Variants in PCDH11X observed in about 807,000 individuals in gnomAD.
PCDH11X encodes protocadherin 11 X-linked.
In PCDH11X, 18 loss-of-function variants were observed where a neutral mutation model predicts 53.3. The observed-to-expected ratio is 0.34, with a 90% CI of 0.23 to 0.50. PCDH11X has a LOEUF of 0.50. Among genes scored for constraint, PCDH11X ranks in the 20% least tolerant of loss-of-function variants. The pLI is 0.98. For missense variants in PCDH11X, 570 were observed against 1,032.4 expected (o/e 0.55, Z 6.14); for synonymous variants, 279 against 393.3 (o/e 0.71, Z 3.44).
chrX:92,425,183 G>A (rs1047104930), intron 9 of PCDH11X, among the ~76,000 whole-genome samples: 4 of 111,084 alleles, frequency 3.6e-5, no homozygotes, highest in Non-Finnish European at 7.6e-5. Flanking sequence ...TCTAATGTAT[G>A]TTTTAAGATG....
At chrX:92,514,929 C>T (rs2074233630) in intron 10 of PCDH11X, among the ~76,000 whole-genome samples, 1 of 104,561 alleles carries the variant, frequency 9.6e-6, no homozygotes, top group African/African-American at 3.5e-5. Context: ...TGCCTGTAGT[C>T]CCAGCTACTC....
rs753515893 is a variant in PCDH11X at position 92,119,023 on chromosome X, G to T, written c.3034-82352G>T. On this transcript the variant is annotated intron_variant, in intron 6 of 10. Coordinates refer to ENST00000682573, the MANE Select transcript of PCDH11X (RefSeq NM_032968.5). ...CCCAAAGTGCTGGGATTACAGGCGT[G>T]AGCCACTGCGCCCGGCCAATATAAT... Among the ~76,000 whole-genome samples the T allele has an allele frequency of 4.5e-5, 5 of 110,399 alleles. No individual in the cohort carries two copies. The South Asian group carries it at 1.9e-3, about 42-fold the overall frequency.
chrX:92,206,044 A>G (rs1479173203), intron 7 of PCDH11X, among the ~76,000 whole-genome samples: 4 of 112,142 alleles, frequency 3.6e-5, no homozygotes, highest in Admixed American at 9.5e-5. Context: ...TATTGACACA[A>G]TTATTTCTTA....
intron 6 of PCDH11X, among the ~76,000 whole-genome samples, chrX:92,011,227 T>C (rs2062685835): frequency 8.9e-6 from 1 of 111,961 alleles, no homozygotes; most frequent in African/African-American, 3.2e-5. Flanking sequence ...TTATATTTCT[T>C]TGGGTATATA....
At chrX:92,113,135 A>C in intron 6 of PCDH11X, 1 of 823,412 alleles carries the variant, frequency 1.2e-6, no homozygotes, top group East Asian at 3.4e-5. Context: ...TTCAAAGAAA[A>C]AAAATGACAA....
At position 92,383,394 on chromosome X, in the gene PCDH11X, T is replaced by TATACAC. The variant is rs1234836479; in HGVS notation, c.3145-4338_3145-4333dup. Among the ~76,000 whole-genome samples the TATACAC allele has an allele frequency of 3.7e-5, 4 of 109,309 alleles. No individual in the cohort carries two copies. The East Asian group carries it at 8.6e-4, about 23-fold the overall frequency. 94.9% of individuals were successfully genotyped at this position (109,309 alleles called of 115,157 possible). The stretch of plus-strand genomic sequence containing the variant: ...AGAACGTGCAGGTGTTTTACATAAG[T>TATACAC]ATACACATGCCATGGTGGTTTGCTG... On this transcript the variant is annotated intron_variant, in intron 8 of 10. Coordinates refer to ENST00000682573, the MANE Select transcript of PCDH11X (RefSeq NM_032968.5).
At chrX:92,063,047 G>A (rs1192065144) in intron 6 of PCDH11X, among the ~76,000 whole-genome samples, 1 of 110,541 alleles carries the variant, frequency 9.0e-6, no homozygotes, top group Non-Finnish European at 1.9e-5. Context: ...TTGCAGGGAC[G>A]TGGATGAAGC....
At chrX:91,998,833 C>T (rs1385969911) in intron 6 of PCDH11X, among the ~76,000 whole-genome samples, 1 of 111,359 alleles carries the variant, frequency 9.0e-6, no homozygotes, top group Non-Finnish European at 1.9e-5. Context: ...AGTAAGCATT[C>T]AGTACATATT....
chrX:92,582,129 G>C (rs1343082604), intron 10 of PCDH11X, among the ~76,000 whole-genome samples: 2 of 91,209 alleles, frequency 2.2e-5, no homozygotes, highest in Non-Finnish European at 4.3e-5. Flanking sequence ...TGATAGAAAA[G>C]AAAAATCCAT....
At chrX:92,418,997 T>C (rs1275216745) in intron 9 of PCDH11X, among the ~76,000 whole-genome samples, 1 of 105,241 alleles carries the variant, frequency 9.5e-6, no homozygotes, top group Non-Finnish European at 1.9e-5. Flanking sequence ...TGTAGAAGTG[T>C]TTGTTTTCTC....
At chrX:91,855,038 T>C (rs1938247469) in intron 5 of PCDH11X, among the ~76,000 whole-genome samples, 2 of 111,850 alleles carry the variant, frequency 1.8e-5, no homozygotes, top group African/African-American at 6.5e-5. Flanking sequence ...TTTGGTTGCC[T>C]GTGCTTGTGA....
At chrX:92,360,805 G>GA (rs1164360143) in intron 8 of PCDH11X, among the ~76,000 whole-genome samples, 2 of 108,498 alleles carry the variant, frequency 1.8e-5, no homozygotes, top group African/African-American at 6.7e-5. Context: ...TTAAAACCAA[G>GA]AAAAAAAATC....
intron 6 of PCDH11X, among the ~76,000 whole-genome samples, chrX:92,180,765 G>A (rs2065983253): frequency 9.0e-6 from 1 of 111,579 alleles, no homozygotes; most frequent in African/African-American, 3.3e-5. Context: ...CGCTCTTTGC[G>A]AACTGTGATC....
rs767471545 is a variant in PCDH11X at position 92,188,234 on chromosome X, G to A, written c.3034-13141G>A. Among the ~76,000 whole-genome samples the A allele has an allele frequency of 1.6e-4, 18 of 111,024 alleles. No individual in the cohort carries two copies. In the South Asian group the frequency reaches 4.2e-3, roughly 26 times the overall value. ...TTTATTCTCTCTAAGCTCTTTTCTC[G>A]CTCCAGCCTCTACATTTCTCGTTAT... On this transcript the variant is annotated intron_variant, in intron 6 of 10. Transcript: ENST00000682573.
intron 6 of PCDH11X, among the ~76,000 whole-genome samples, chrX:91,914,002 G>A (rs75374175): frequency 9.0e-6 from 1 of 111,181 alleles, no homozygotes; most frequent in African/African-American, 3.3e-5. Context: ...AGTCTACTTT[G>A]CTTCTCTGCC....
At chrX:92,231,681 T>C (rs1400989210) in intron 7 of PCDH11X, among the ~76,000 whole-genome samples, 1 of 112,042 alleles carries the variant, frequency 8.9e-6, no homozygotes, top group Non-Finnish European at 1.9e-5. Context: ...GTTTCAATTC[T>C]CTGGTCATTA....
At chrX:91,804,017 C>A (rs897529348) in intron 1 of PCDH11X, among the ~76,000 whole-genome samples, 13 of 111,415 alleles carry the variant, frequency 1.2e-4, no homozygotes, top group African/African-American at 4.2e-4. Context: ...CCACTGTTGG[C>A]TAAATTGTGG....
chrX:92,597,156 T>C (rs1282799091), intron 10 of PCDH11X, among the ~76,000 whole-genome samples: 5 of 111,410 alleles, frequency 4.5e-5, no homozygotes, highest in Admixed American at 9.6e-5. Context: ...TGTTATTCAA[T>C]ATAATACTGG....
intron 10 of PCDH11X, among the ~76,000 whole-genome samples, chrX:92,497,828 C>G (rs2073885652): frequency 9.1e-6 from 1 of 110,142 alleles, no homozygotes; most frequent in East Asian, 2.9e-4. Context: ...ACATTAGAAA[C>G]AAGGCTAATA....
Sources: gnomAD v4.1 joint callset for allele counts (sites outside exome capture counted in the v4.1 genomes callset) on GRCh38, gnomAD v4.1.1 for gene constraint, MANE v1.5 for transcripts, NCBI Gene and HGNC (gene_info 2026-07-23, HGNC 2026-07-21) for gene names.